The following LINGO2 variants were observed in gnomAD, a reference collection of about 807,000 sequenced individuals.
LINGO2 encodes the protein leucine-rich repeat and immunoglobulin-like domain-containing nogo receptor-interacting protein 2.
Under a neutral mutation model 30.6 loss-of-function variants are expected in LINGO2, and 14 were observed. The observed-to-expected ratio is 0.46, with a 90% confidence interval of 0.30 to 0.72. The LOEUF (loss-of-function observed/expected upper bound fraction) is 0.72, where lower values mean the gene tolerates loss of function less well. LINGO2 is among the 30% of genes least tolerant of loss of function. LINGO2 has a pLI of 0.07. For missense variants in LINGO2, 729 were observed against 751.7 expected (o/e 0.97, Z 0.35); for synonymous variants, 317 against 288.5 (o/e 1.10, Z -1.00).
chr9:28,808,777 C>A, the LINGO2 span, among the ~76,000 whole-genome samples: 11 of 152,264 alleles, frequency 7.2e-5, no homozygotes, highest in Non-Finnish European at 1.3e-4. Context: ...TTAATATTAT[C>A]TATAAATGAT....
the LINGO2 span, among the ~76,000 whole-genome samples, chr9:28,851,769 G>A: frequency 6.6e-6 from 1 of 151,918 alleles, no homozygotes; most frequent in Non-Finnish European, 1.5e-5. Flanking sequence ...GAAACACACT[G>A]AAAACAGCCC....
Position 27,979,181 on chromosome 9 carries a change from C to T in LINGO2, c.-35-28475G>A, listed in dbSNP as rs549016624. The stretch of plus-strand genomic sequence containing the variant: ...ACCTGAAGCCACTGAATTGAGATGA[C>T]ATCTAAGGCTGAGTGTGTGGGCTCA... On this transcript the variant is annotated intron_variant, in intron 5 of 5. Transcript: ENST00000379992. Among the ~76,000 whole-genome samples the T allele has an allele frequency of 2.0e-5, 3 of 152,084 alleles. No individual in the cohort carries two copies. The East Asian group carries it at 5.8e-4, about 30-fold the overall frequency.
chr9:28,155,241 C>A (rs889281743), intron 4 of LINGO2, among the ~76,000 whole-genome samples: 1 of 152,200 alleles, frequency 6.6e-6, no homozygotes, highest in Non-Finnish European at 1.5e-5. Flanking sequence ...ACTCTGGAAC[C>A]CAGCCAGGAA....
chr9:29,151,786 TACAGTAATAG>T, the LINGO2 span, among the ~76,000 whole-genome samples: 1 of 152,166 alleles, frequency 6.6e-6, no homozygotes, highest in Non-Finnish European at 1.5e-5. Context: ...TAGACAGATA[TACAGTAATAG>T]TGGGAAACTT....
intron 1 of LINGO2, among the ~76,000 whole-genome samples, chr9:28,501,719 ACT>A (rs1330566566): frequency 2.0e-5 from 3 of 152,130 alleles, no homozygotes; most frequent in Non-Finnish European, 4.4e-5. Context: ...AGGTGATACT[ACT>A]ACCAGCTGAT....
At chr9:28,821,451 G>T in the LINGO2 span, among the ~76,000 whole-genome samples, 1 of 152,144 alleles carries the variant, frequency 6.6e-6, no homozygotes, top group Non-Finnish European at 1.5e-5. Flanking sequence ...AATAGAGAAG[G>T]CCCTTAGGAA....
chr9:28,641,872 A>G (rs1488842113), intron 1 of LINGO2, among the ~76,000 whole-genome samples: 1 of 152,120 alleles, frequency 6.6e-6, no homozygotes, highest in Non-Finnish European at 1.5e-5. Flanking sequence ...CTAAATAACC[A>G]TGTGTCCTGG....
At chr9:29,000,745 T>C in the LINGO2 span, among the ~76,000 whole-genome samples, 3 of 151,956 alleles carry the variant, frequency 2.0e-5, no homozygotes, top group African/African-American at 7.2e-5. Context: ...GTTCTTTTCT[T>C]CCCTTAGGTA....
chr9:28,450,031 A>G (rs543638028), intron 2 of LINGO2, among the ~76,000 whole-genome samples: 10 of 152,100 alleles, frequency 6.6e-5, no homozygotes, highest in South Asian at 2.1e-4. Context: ...ACCATAACTT[A>G]GACTCCCTTC....
chr9:28,138,620 A>G (rs1334293970), intron 4 of LINGO2, among the ~76,000 whole-genome samples: 1 of 152,222 alleles, frequency 6.6e-6, no homozygotes, highest in Admixed American at 6.5e-5. Context: ...GTGACTCATT[A>G]AACTAATCAT....
chr9:29,083,437 G>T, the LINGO2 span, among the ~76,000 whole-genome samples: 639 of 152,148 alleles, frequency 4.2e-3, 2 homozygotes, highest in African/African-American at 0.015. Context: ...CTGTTGTGGG[G>T]TGAGGGAGGG....
intron 1 of LINGO2, among the ~76,000 whole-genome samples, chr9:28,611,913 C>T (rs1167241872): frequency 6.6e-6 from 1 of 151,888 alleles, no homozygotes; most frequent in Non-Finnish European, 1.5e-5. Flanking sequence ...CTCCGCCTCC[C>T]GGGTTCACAC....
At chr9:28,236,641 A>G (rs1344588149) in intron 4 of LINGO2, among the ~76,000 whole-genome samples, 1 of 152,232 alleles carries the variant, frequency 6.6e-6, no homozygotes, top group African/African-American at 2.4e-5. Flanking sequence ...AGAAAAATAA[A>G]CATCACATAT....
chr9:28,049,352 T>TACG, intron 4 of LINGO2, among the ~76,000 whole-genome samples: 1 of 150,792 alleles, frequency 6.6e-6, no homozygotes, highest in Middle Eastern at 3.2e-3. Flanking sequence ...AGTACTAGGG[T>TACG]TAGGCTATTT....
chr9:28,894,299 T>C, the LINGO2 span, among the ~76,000 whole-genome samples: 1 of 152,088 alleles, frequency 6.6e-6, no homozygotes, highest in African/African-American at 2.4e-5. Flanking sequence ...TGGTTGCTGT[T>C]ATATTGATTT....
rs557115657 is a variant in LINGO2 at position 27,994,532 on chromosome 9, T to C, written c.-36+17823A>G. On this transcript the variant is annotated intron_variant, in intron 5 of 5. Coordinates refer to ENST00000379992, the Ensembl canonical transcript of LINGO2. ...ACCACTGGAACCAGCATGCTGGATA[T>C]GAGGAGGGGAAGTTCCTAGGCAGAA... is the stretch of plus-strand genomic sequence containing the variant. Among the ~76,000 whole-genome samples the C allele has an allele frequency of 2.0e-3, 299 of 152,060 alleles. 3 individuals are homozygous for C. The highest frequency in any genetic ancestry group is 6.4e-3 in the African/African-American group (267 of 41,480).
the LINGO2 span, among the ~76,000 whole-genome samples, chr9:29,058,849 G>A: frequency 6.6e-6 from 1 of 151,838 alleles, no homozygotes; most frequent in Non-Finnish European, 1.5e-5. Flanking sequence ...AGTAAAAATA[G>A]GTCGTTACAT....
At chr9:29,114,368 G>A in the LINGO2 span, among the ~76,000 whole-genome samples, 1 of 112,032 alleles carries the variant, frequency 8.9e-6, no homozygotes, top group African/African-American at 3.3e-5. Context: ...GTGTAACAGA[G>A]CATTTTTTTC....
intron 1 of LINGO2, among the ~76,000 whole-genome samples, chr9:28,606,993 A>G (rs1825721383): frequency 6.6e-6 from 1 of 152,108 alleles, no homozygotes; most frequent in Non-Finnish European, 1.5e-5. Flanking sequence ...GTGAATAATT[A>G]GAATACATTT....
Sources: gnomAD v4.1 joint callset for allele counts (sites outside exome capture counted in the v4.1 genomes callset) on GRCh38, gnomAD v4.1.1 for gene constraint, MANE v1.5 for transcripts, NCBI Gene and HGNC (gene_info 2026-07-23, HGNC 2026-07-21) for gene names.